Variants in SHANK2 observed in about 807,000 individuals in gnomAD.
SHANK2 encodes the protein SH3 and multiple ankyrin repeat domains protein 2.
A neutral mutation model predicts 133.7 loss-of-function variants in SHANK2; 43 were observed. The ratio of observed to expected loss-of-function variants is 0.32; its 90% CI spans 0.25 to 0.41. SHANK2 has a LOEUF of 0.41. SHANK2 is among the 10% of genes least tolerant of loss of function. SHANK2 has a pLI of 1.00. For synonymous variants in SHANK2, 1,017 were observed against 952.8 expected, an observed-to-expected ratio of 1.07 and a Z score of -1.24; for missense variants, 1,994 against 2,235.8, an observed-to-expected ratio of 0.89 and a Z score of 2.18.
At chr11:71,181,750 C>T (rs569349914) in intron 2 of SHANK2, among the ~76,000 whole-genome samples, 13 of 152,216 alleles carry the variant, frequency 8.5e-5, no homozygotes, top group Non-Finnish European at 1.2e-4. Flanking sequence ...GGTGTGGGGA[C>T]GTGCCCAGGA....
chr11:70,579,806 G>A (rs536092476), intron 17 of SHANK2, among the ~76,000 whole-genome samples: 12 of 152,358 alleles, frequency 7.9e-5, no homozygotes, highest in South Asian at 4.1e-4. Flanking sequence ...CATCACAAGC[G>A]TCCTGATAAG....
intron 17 of SHANK2, among the ~76,000 whole-genome samples, chr11:70,639,127 C>T (rs2134143289): frequency 6.6e-6 from 1 of 152,314 alleles, no homozygotes; most frequent in South Asian, 2.1e-4. Flanking sequence ...AGGGTCTCTG[C>T]AGCCAGGACT....
intron 11 of SHANK2, chr11:70,864,425 T>A (rs1565369345): frequency 6.5e-6 from 1 of 152,754 alleles, no homozygotes; most frequent in Non-Finnish European, 1.5e-5. Flanking sequence ...GACTTCCCCA[T>A]TAAGTCATGG....
At chr11:70,748,655 A>T (rs1555036798) in intron 14 of SHANK2, among the ~76,000 whole-genome samples, 1 of 152,222 alleles carries the variant, frequency 6.6e-6, no homozygotes, top group Admixed American at 6.5e-5. Flanking sequence ...AGAAACTTTC[A>T]GTATACCCAC....
In SHANK2 at chr11:70,805,037, G is replaced by A. The variant is rs552565124; in HGVS notation, c.1663+1965C>T. Among the ~76,000 whole-genome samples, 12 of 152,250 alleles carry A rather than the reference G, an allele frequency of 7.9e-5. No individual in the cohort carries two copies. The South Asian group carries it at 1.9e-3, about 24-fold the overall frequency. Reference sequence around the variant, plus strand: ...GCCTGTCTGCAGCTCTGCCCCTCTCGGAGCATGGGTCAGTATGCCTGAGTG... The same window carrying A: ...GCCTGTCTGCAGCTCTGCCCCTCTCAGAGCATGGGTCAGTATGCCTGAGTG... On this transcript the variant is annotated intron_variant, in intron 13 of 25. Coordinates refer to ENST00000601538, the MANE Select transcript of SHANK2 (RefSeq NM_012309.5).
At chr11:70,489,493 A>G in intron 23 of SHANK2, 145 bp from the exon 24 acceptor site, 2 of 801,468 alleles carry the variant, frequency 2.5e-6, no homozygotes. Flanking sequence ...GCCTACAGTT[A>G]TCCACCTGAG....
intron 17 of SHANK2, among the ~76,000 whole-genome samples, chr11:70,543,087 G>A (rs1327391010): frequency 6.6e-6 from 1 of 152,160 alleles, no homozygotes; most frequent in African/African-American, 2.4e-5. Context: ...AGCTCCCCAG[G>A]GTAACTGCAT....
intron 3 of SHANK2, among the ~76,000 whole-genome samples, chr11:71,130,373 G>C (rs1280851022): frequency 6.6e-6 from 1 of 152,298 alleles, no homozygotes; most frequent in African/African-American, 2.4e-5. Flanking sequence ...GGAGCTTCTT[G>C]GGCAAGGCTG....
chr11:71,185,590 A>G (rs1953653755), intron 2 of SHANK2, among the ~76,000 whole-genome samples: 1 of 152,170 alleles, frequency 6.6e-6, no homozygotes, highest in South Asian at 2.1e-4. Context: ...CTACCCAGCC[A>G]AACGGGGACC....
At chr11:70,787,964 C>A (rs782762122) in intron 14 of SHANK2, among the ~76,000 whole-genome samples, 3 of 152,150 alleles carry the variant, frequency 2.0e-5, no homozygotes, top group Admixed American at 1.3e-4. Flanking sequence ...ACATGAGTTA[C>A]CTATAAACAT....
intron 17 of SHANK2, among the ~76,000 whole-genome samples, chr11:70,526,096 C>T (rs1158549652): frequency 6.6e-6 from 1 of 150,934 alleles, no homozygotes; most frequent in Non-Finnish European, 1.5e-5. Context: ...AGCAATAAGA[C>T]ACCAAACTAT....
At chr11:70,687,982 G>C (rs1945193052) in intron 15 of SHANK2, among the ~76,000 whole-genome samples, 1 of 152,352 alleles carries the variant, frequency 6.6e-6, no homozygotes, top group East Asian at 1.9e-4. Flanking sequence ...CCTCCCTGTG[G>C]TGAGGAACTC....
At chr11:71,218,608 G>C (rs1181905226) in intron 2 of SHANK2, among the ~76,000 whole-genome samples, 2 of 152,158 alleles carry the variant, frequency 1.3e-5, no homozygotes, top group African/African-American at 4.8e-5. Flanking sequence ...GATGAGCAGC[G>C]TGAGGGCAGG....
chr11:70,838,507 G>A (rs1458564498), intron 11 of SHANK2, among the ~76,000 whole-genome samples: 2 of 152,200 alleles, frequency 1.3e-5, no homozygotes, highest in East Asian at 3.8e-4. Flanking sequence ...CCCCGTGGAG[G>A]TGCAATCTGA....
intron 14 of SHANK2, among the ~76,000 whole-genome samples, chr11:70,771,009 C>T (rs969261569): frequency 6.8e-6 from 1 of 148,128 alleles, no homozygotes; most frequent in Middle Eastern, 3.4e-3. Flanking sequence ...ACTGCAACCT[C>T]CGCCTCCCAG....
chr11:71,203,949 G>A (rs901991415), intron 2 of SHANK2, among the ~76,000 whole-genome samples: 2 of 152,290 alleles, frequency 1.3e-5, no homozygotes, highest in Non-Finnish European at 2.9e-5. Context: ...GAGAGAACAC[G>A]GAAAGCGGGC....
At chr11:70,526,224 C>T (rs1386033358) in intron 17 of SHANK2, among the ~76,000 whole-genome samples, 4 of 152,194 alleles carry the variant, frequency 2.6e-5, no homozygotes, top group African/African-American at 7.2e-5. Flanking sequence ...AAGCGCTGGC[C>T]TTGGGATAAG....
chr11:71,141,173 A>G (rs782360959), intron 3 of SHANK2, among the ~76,000 whole-genome samples: 2 of 152,208 alleles, frequency 1.3e-5, no homozygotes, highest in Non-Finnish European at 2.9e-5. Flanking sequence ...TGTACGGGAC[A>G]CATGCCCTGT....
At chr11:70,948,914 A>G (rs1332618698) in intron 10 of SHANK2, among the ~76,000 whole-genome samples, 9 of 152,206 alleles carry the variant, frequency 5.9e-5, no homozygotes, top group African/African-American at 2.2e-4. Flanking sequence ...GGCAGGTTAC[A>G]ATCAAGCTCT....
Sources: gnomAD v4.1 joint callset for allele counts (sites outside exome capture counted in the v4.1 genomes callset) on GRCh38, gnomAD v4.1.1 for gene constraint, MANE v1.5 for transcripts, NCBI Gene and HGNC (gene_info 2026-07-23, HGNC 2026-07-21) for gene names.